Variants in PTCHD4 observed in about 807,000 individuals in gnomAD.
The protein encoded by PTCHD4 is patched domain containing 4.
A neutral mutation model predicts 58.1 loss-of-function variants in PTCHD4; 33 were observed. The ratio of observed to expected loss-of-function variants is 0.57; its 90% CI spans 0.43 to 0.76. The LOEUF (loss-of-function observed/expected upper bound fraction) is 0.76. Among genes scored for constraint, PTCHD4 ranks in the 30% least tolerant of loss-of-function variants. The pLI is 0.00. For missense variants in PTCHD4, 1,058 were observed against 1,027.1 expected (o/e 1.03, Z -0.41); for synonymous variants, 478 against 409.6 (o/e 1.17, Z -2.02).
intron 1 of PTCHD4, among the ~76,000 whole-genome samples, chr6:48,093,753 G>A (rs1003834485): frequency 6.6e-6 from 1 of 151,934 alleles, no homozygotes; most frequent in African/African-American, 2.4e-5. Flanking sequence ...AAAAAATGGC[G>A]AGGAAAAGAA....
At position 47,905,043 on chromosome 6, in the gene PTCHD4, T is replaced by TCACACACACACACACACACACA. The variant is rs70999653; in HGVS notation, c.899-25129_899-25108dup. 6.1e-5 allele frequency among the ~76,000 whole-genome samples: 8 copies of TCACACACACACACACACACACA among 131,668 alleles called. 1 individual carries two copies. The highest frequency in any genetic ancestry group is 5.3e-4 in the South Asian group (2 of 3,772). The allele number at this position is 131,668 out of a possible 152,430, so 86.4% of individuals were successfully genotyped here. A position where few individuals can be genotyped will look rare whatever the true frequency, so the allele number is the denominator to read the frequency against. On this transcript the variant is annotated intron_variant, in intron 4 of 4. Transcript: ENST00000339488. ...AAGAACTAGGAAGAAAATACAGCCA[T>TCACACACACACACACACACACA]CACACACACACACACACACACACAC...
chr6:47,961,287 CT>C (rs1767082215), intron 4 of PTCHD4, among the ~76,000 whole-genome samples: 1 of 150,888 alleles, frequency 6.6e-6, no homozygotes, highest in South Asian at 2.1e-4. Flanking sequence ...AAGTAAATTT[CT>C]TTCTTTTTTT....
intron 4 of PTCHD4, among the ~76,000 whole-genome samples, chr6:48,000,150 C>A (rs1177385294): frequency 6.6e-6 from 1 of 152,142 alleles, no homozygotes; most frequent in East Asian, 1.9e-4. Context: ...ATCCCTGAGT[C>A]TCTGTTGGAA....
At chr6:47,907,688 A>G (rs555194612) in intron 4 of PTCHD4, among the ~76,000 whole-genome samples, 63 of 152,284 alleles carry the variant, frequency 4.1e-4, no homozygotes, top group Non-Finnish European at 6.6e-4. Flanking sequence ...AATATTTTTG[A>G]CAATAGTCGC....
chr6:48,087,531 C>G (rs1429168927), intron 1 of PTCHD4, among the ~76,000 whole-genome samples: 1 of 152,112 alleles, frequency 6.6e-6, no homozygotes, highest in Non-Finnish European at 1.5e-5. Context: ...AGGACCCTTG[C>G]ATACATTGTC....
rs528255374 is a variant in PTCHD4, at chr6:48,004,693, GATC to G, written c.898+3938_898+3940del. ...GAACTTTGGGAGGCCAAGGCAGGTG[GATC>G]ACCTGAGGTCAGGAGTTTGAGACCA... On this transcript the variant is annotated intron_variant, in intron 4 of 4. Coordinates refer to ENST00000339488, the MANE Select transcript of PTCHD4 (RefSeq NM_001384253.1). Among the ~76,000 whole-genome samples, 7 of 152,256 alleles carry G rather than the reference GATC, an allele frequency of 4.6e-5. No individual in the cohort carries two copies. The South Asian group carries it at 1.0e-3, about 23-fold the overall frequency.
chr6:48,013,536 T>C (rs112130545), intron 3 of PTCHD4, among the ~76,000 whole-genome samples: 166 of 151,978 alleles, frequency 1.1e-3, no homozygotes, highest in African/African-American at 3.7e-3. Flanking sequence ...AGTAGAAAGG[T>C]GGGCATGCTT....
At position 47,933,681 on chromosome 6, in the gene PTCHD4, G is replaced by A. The variant is rs140738101; in HGVS notation, c.899-53745C>T. Among the ~76,000 whole-genome samples, 586 of 152,250 alleles carry A rather than the reference G, an allele frequency of 3.8e-3. 3 individuals are homozygous for A. Among genetic ancestry groups the A allele is most frequent in the Middle Eastern group, 0.014 (4 of 294 alleles). On this transcript the variant is annotated intron_variant, in intron 4 of 4. Transcript: ENST00000339488. ...AAATCATAGACTTAGTATAAGATTAGTTAATATAAGTTCTTTCTTTTGGAA... is the reference window on the plus strand; with the variant it reads ...AAATCATAGACTTAGTATAAGATTAATTAATATAAGTTCTTTCTTTTGGAA...
intron 4 of PTCHD4, among the ~76,000 whole-genome samples, chr6:47,980,187 A>G (rs1325714): frequency 0.7 from 106,631 of 151,888 alleles, 37,510 homozygotes; most frequent in East Asian, 0.84. Flanking sequence ...ATTTTTATGT[A>G]TAAGAAAACT....
chr6:47,878,496 G>C lies in PTCHD4; in HGVS notation c.2339C>G (p.Thr780Arg). The change falls in exon 5 of 5, where the codon ACA becomes AGA. Residue 780 changes from threonine to arginine, a missense_variant. By Grantham distance (71) the Thr-to-Arg change is moderately conservative. Transcript: ENST00000339488. The part of the protein sequence containing the change: ...LLFVPSNLTF[T>R]LFKCLLLTGG... ...AGTGAGCAGCAAGCATTTGAACAGTGTGAAGGTCAGGTTCGAAGGCACAAA... is the reference window on the plus strand; with the variant it reads ...AGTGAGCAGCAAGCATTTGAACAGTCTGAAGGTCAGGTTCGAAGGCACAAA... The C allele has an allele frequency of 6.2e-7, 1 of 1,613,546 alleles. No homozygotes were observed. The highest frequency in any genetic ancestry group is 8.5e-7 in the Non-Finnish European group (1 of 1,179,724).
intron 4 of PTCHD4, among the ~76,000 whole-genome samples, chr6:47,923,512 C>A (rs993630945): frequency 6.6e-6 from 1 of 152,160 alleles, no homozygotes; most frequent in African/African-American, 2.4e-5. Context: ...TGTGTCATTT[C>A]CAACCAGATG....
chr6:47,861,791 G>T lies in PTCHD4; in HGVS notation c.*16512C>A, dbSNP rs1001533756. 2.6e-5 allele frequency among the ~76,000 whole-genome samples: 4 copies of T among 151,872 alleles called. No individual in the cohort carries two copies. Among genetic ancestry groups the T allele is most frequent in the Admixed American group, 2.0e-4 (3 of 15,212 alleles). On this transcript the variant is annotated 3_prime_UTR_variant, in exon 5 of 5. Coordinates refer to ENST00000339488, the MANE Select transcript of PTCHD4 (RefSeq NM_001384253.1). ...TTATGAGACATTAAAGTATTCCGCT[G>T]AGCAATTTGAACTGCTTTGTCCCTC...
rs752287858 is a variant in PTCHD4, at chr6:47,878,758, C to T, written c.2077G>A (p.Glu693Lys). Residue 693 changes from glutamate to lysine, a missense_variant, in exon 5 of 5, where the codon GAG (glutamate) becomes AAG (lysine). Transcript: ENST00000339488. The part of the protein sequence containing the change: ...FWLILSVTSI[E>K]LGVLGLMTLW... ...GTCATTAAGCCCAGAACGCCCAGCT[C>T]AATTGAGGTGACGCTAAGAATTAGC... 6.2e-7 allele frequency: 1 copy of T among 1,613,452 alleles called. No homozygotes were observed. Among genetic ancestry groups the T allele is most frequent in the South Asian group, 1.1e-5 (1 of 91,078 alleles).
In PTCHD4 at chr6:47,868,745, C is replaced by T. The variant is rs1763640210; in HGVS notation, c.*9558G>A. 1.3e-5 allele frequency among the ~76,000 whole-genome samples: 2 copies of T among 151,530 alleles called. No individual in the cohort carries two copies. On this transcript the variant is annotated 3_prime_UTR_variant, in exon 5 of 5. Coordinates refer to ENST00000339488, the MANE Select transcript of PTCHD4 (RefSeq NM_001384253.1). Reference sequence around the variant, plus strand: ...GAGTTCTTATTTCATTCCTTTCTAGCCATGCTTATTTTTATGTAAAGGAGA... The same window carrying T: ...GAGTTCTTATTTCATTCCTTTCTAGTCATGCTTATTTTTATGTAAAGGAGA...
At chr6:47,924,436 T>C (rs1765530824) in intron 4 of PTCHD4, among the ~76,000 whole-genome samples, 1 of 151,828 alleles carries the variant, frequency 6.6e-6, no homozygotes, top group Non-Finnish European at 1.5e-5. Flanking sequence ...GGTGTGGAGG[T>C]TAAGGGTAAG....
At chr6:47,929,372 T>C (rs1273488536) in intron 4 of PTCHD4, among the ~76,000 whole-genome samples, 1 of 152,220 alleles carries the variant, frequency 6.6e-6, no homozygotes, top group African/African-American at 2.4e-5. Context: ...TTTTATTTTT[T>C]AACCTTTACA....
chr6:47,977,895 T>C (rs1392185043), intron 4 of PTCHD4, among the ~76,000 whole-genome samples: 1 of 152,164 alleles, frequency 6.6e-6, no homozygotes, highest in Non-Finnish European at 1.5e-5. Flanking sequence ...AGTGGATTAA[T>C]TTTAGAATTT....
intron 4 of PTCHD4, among the ~76,000 whole-genome samples, chr6:47,979,326 T>A (rs1767799427): frequency 6.6e-6 from 1 of 151,836 alleles, no homozygotes; most frequent in African/African-American, 2.4e-5. Context: ...TTATTGTATA[T>A]AAATTTTACA....
At chr6:47,946,729 G>A (rs1187257502) in intron 4 of PTCHD4, among the ~76,000 whole-genome samples, 1 of 151,852 alleles carries the variant, frequency 6.6e-6, no homozygotes, top group African/African-American at 2.4e-5. Context: ...CTTTTTTATT[G>A]TTTTTAATGT....
Sources: gnomAD v4.1 joint callset for allele counts (sites outside exome capture counted in the v4.1 genomes callset) on GRCh38, gnomAD v4.1.1 for gene constraint, MANE v1.5 for transcripts, NCBI Gene and HGNC (gene_info 2026-07-23, HGNC 2026-07-21) for gene names.